AHCYL1: variants seen among roughly 807,000 people sequenced by gnomAD.
AHCYL1 encodes adenosylhomocysteinase like 1.
A neutral mutation model predicts 79.3 loss-of-function variants in AHCYL1; 20 were observed. The observed-to-expected ratio is 0.25, with a 90% CI of 0.18 to 0.37. The LOEUF (loss-of-function observed/expected upper bound fraction) is 0.37. Ranked by LOEUF, AHCYL1 falls within the 10% of genes least tolerant of loss-of-function variation. AHCYL1 has a pLI of 1.00. For synonymous variants in AHCYL1, 223 were observed against 242.2 expected (o/e 0.92, Z 0.74); for missense variants, 330 against 673.6 (o/e 0.49, Z 5.65).
At chr1:110,017,448 C>A (rs1021482571) in intron 9 of AHCYL1, 47 bp from the exon 10 acceptor site, 1 of 1,574,272 alleles carries the variant, frequency 6.4e-7, no homozygotes, top group Non-Finnish European at 8.7e-7. Context: ...CCCTAAATAT[C>A]CATGACTTAA....
At position 110,020,772 on chromosome 1, in the gene AHCYL1, C is replaced by T; in HGVS notation, c.1507C>T (p.His503Tyr). The T allele has an allele frequency of 6.2e-7, 1 of 1,613,422 alleles. No individual in the cohort carries two copies. Among genetic ancestry groups the T allele is most frequent in the Non-Finnish European group, 8.5e-7 (1 of 1,179,706 alleles). ...ASLHLPSFDAHLTELTDDQAK... is the reference protein window; with the variant it reads ...ASLHLPSFDAYLTELTDDQAK... ...CTTGCATCTGCCATCATTTGATGCC[C>T]ACCTTACAGAGCTGACAGATGACCA... is the stretch of plus-strand genomic sequence containing the variant. Residue 503 changes from histidine (H) to tyrosine (Y), a missense_variant, in exon 16 of 17, where the codon CAC (histidine) becomes TAC (tyrosine). His to Tyr is a moderately conservative substitution (Grantham distance 83). Transcript: ENST00000369799.
At chr1:109,985,628 G>C (rs1402170185) in intron 1 of AHCYL1, 13 of 887,086 alleles carry the variant, frequency 1.5e-5, no homozygotes, top group Non-Finnish European at 1.8e-5. Flanking sequence ...TAGCTGGGAG[G>C]CAAGAGAAAA....
intron 1 of AHCYL1, among the ~76,000 whole-genome samples, chr1:109,987,665 T>A (rs1041920901): frequency 6.6e-6 from 1 of 152,234 alleles, no homozygotes; most frequent in African/African-American, 2.4e-5. Flanking sequence ...AGAGTGGATG[T>A]CCATCAATTA....
At chr1:110,008,009 GTTTTTTTTTTGGGTTTTTTTT>G (rs1280644328) in intron 1 of AHCYL1, among the ~76,000 whole-genome samples, 1 of 131,968 alleles carries the variant, frequency 7.6e-6, no homozygotes, top group Admixed American at 8.5e-5. Context: ...ATTTAAGGAA[GTTTTTTTTTTGGGTTTTTTTT>G]TTTTTTTTTT....
chr1:110,014,915 C>A (rs1651306858), intron 6 of AHCYL1, 58 bp downstream of exon 6: 2 of 1,488,692 alleles, frequency 1.3e-6, no homozygotes, highest in South Asian at 2.3e-5. Flanking sequence ...TTTTTTCCCT[C>A]AAAGCATGGT....
intron 13 of AHCYL1, 156 bp downstream of exon 13, chr1:110,018,806 C>T (rs1651598800): frequency 1.2e-6 from 1 of 830,172 alleles, no homozygotes. Context: ...AATAAAACCA[C>T]TTTAAAAAAA....
chr1:109,988,591 T>C (rs1557757951), intron 1 of AHCYL1, among the ~76,000 whole-genome samples: 1 of 152,146 alleles, frequency 6.6e-6, no homozygotes, highest in African/African-American at 2.4e-5. Context: ...CTCCAACTTG[T>C]TGGAGAGCTC....
chr1:110,005,504 T>G (rs1047645302), intron 1 of AHCYL1, among the ~76,000 whole-genome samples: 3 of 152,240 alleles, frequency 2.0e-5, no homozygotes, highest in African/African-American at 7.2e-5. Context: ...CATAGAACTT[T>G]CCTGGAGTAG....
At chr1:110,013,792 ATCTT>A (rs938141437) in intron 5 of AHCYL1, among the ~76,000 whole-genome samples, 15 of 142,142 alleles carry the variant, frequency 1.1e-4, no homozygotes, top group African/African-American at 4.0e-4. Flanking sequence ...AGGACCTCTC[ATCTT>A]TCTTTCTTTT....
chr1:109,986,849 C>T (rs1649495468), intron 1 of AHCYL1, among the ~76,000 whole-genome samples: 2 of 152,188 alleles, frequency 1.3e-5, no homozygotes, highest in Admixed American at 6.5e-5. Flanking sequence ...ATTAATTGCT[C>T]ACCTGGCTAA....
intron 2 of AHCYL1, among the ~76,000 whole-genome samples, chr1:110,009,812 A>G (rs1035764840): frequency 6.6e-6 from 1 of 152,254 alleles, no homozygotes; most frequent in Admixed American, 6.5e-5. Flanking sequence ...GGAAAAGAAT[A>G]TAGAATCTTG....
At chr1:110,004,893 A>G (rs333081) in intron 1 of AHCYL1, among the ~76,000 whole-genome samples, 152,106 of 152,378 alleles carry the variant, frequency 1, 75,917 homozygotes, top group Middle Eastern at 1. Context: ...ATGTGTGAAA[A>G]AGGGATTAGA....
chr1:110,011,086 G>A (rs553312322), intron 2 of AHCYL1, 128 bp from the exon 3 acceptor site: 31 of 1,155,676 alleles, frequency 2.7e-5, no homozygotes, highest in East Asian at 5.1e-5. Flanking sequence ...AACTGAGAGC[G>A]TTGTAAAAGG....
At position 110,005,673 on chromosome 1, in the gene AHCYL1, G is replaced by T. The variant is rs569538281; in HGVS notation, c.121-3361G>T. ...CAGGAGATAGCAGGCAAAATTGGGT[G>T]GGCCCTGGGAAGGAGTGTAGCTGGG... is the stretch of plus-strand genomic sequence containing the variant. On this transcript the variant is annotated intron_variant, in intron 1 of 16. Coordinates refer to ENST00000369799, the MANE Select transcript of AHCYL1 (RefSeq NM_006621.7). 3.0e-4 allele frequency among the ~76,000 whole-genome samples: 46 copies of T among 152,168 alleles called. 1 individual carries two copies. In the South Asian group the frequency reaches 5.2e-3, roughly 17 times the overall value.
At chr1:109,986,190 A>G (rs1649459082) in intron 1 of AHCYL1, among the ~76,000 whole-genome samples, 1 of 152,214 alleles carries the variant, frequency 6.6e-6, no homozygotes, top group Non-Finnish European at 1.5e-5. Flanking sequence ...TTATAAAGAC[A>G]GAGTCTTACA....
chr1:109,992,448 C>T (rs1346182854), intron 1 of AHCYL1, among the ~76,000 whole-genome samples: 3 of 150,098 alleles, frequency 2.0e-5, no homozygotes, highest in African/African-American at 7.3e-5. Context: ...GACAGAGATT[C>T]TGATCTGCCC....
At chr1:110,004,728 A>G (rs1650537409) in intron 1 of AHCYL1, among the ~76,000 whole-genome samples, 1 of 151,974 alleles carries the variant, frequency 6.6e-6, no homozygotes, top group Non-Finnish European at 1.5e-5. Flanking sequence ...CCTGGCAAAC[A>G]TAGTGAGACC....
intron 4 of AHCYL1, 84 bp from the exon 5 acceptor site, chr1:110,012,813 G>A (rs1651127447): frequency 1.0e-5 from 10 of 1,000,858 alleles, no homozygotes; most frequent in Non-Finnish European, 1.5e-5. Context: ...AGAGTTGATA[G>A]GTATTGCTAT....
chr1:110,020,662 A>T, intron 15 of AHCYL1, 69 bp from the exon 16 acceptor site: 1 of 1,504,180 alleles, frequency 6.6e-7, no homozygotes, highest in Non-Finnish European at 8.9e-7. Flanking sequence ...TTCAAATGAA[A>T]ATGGGAAGTT....
Sources: allele counts gnomAD v4.1 joint callset (sites outside exome capture counted in the v4.1 genomes callset), GRCh38; gene constraint gnomAD v4.1.1; transcripts MANE v1.5; gene names NCBI Gene and HGNC (gene_info 2026-07-23, HGNC 2026-07-21).